HPSE2: variants seen among roughly 807,000 people sequenced by gnomAD.
HPSE2 encodes heparanase 2 (inactive).
In HPSE2, 38 loss-of-function variants were observed where a neutral mutation model predicts 60.5. The observed-to-expected ratio is 0.63, with a 90% CI of 0.48 to 0.82. The LOEUF (loss-of-function observed/expected upper bound fraction) is 0.82, where lower values mean the gene tolerates loss of function less well. HPSE2 is among the 40% of genes least tolerant of loss of function. The pLI is 0.00. For missense variants in HPSE2, 713 were observed against 740.4 expected, an observed-to-expected ratio of 0.96 and a Z score of 0.43; for synonymous variants, 295 against 293.2, an observed-to-expected ratio of 1.01 and a Z score of -0.06.
At chr10:98,476,486 A>G (rs537174121) in intron 11 of HPSE2, among the ~76,000 whole-genome samples, 3 of 151,706 alleles carry the variant, frequency 2.0e-5, no homozygotes, top group Admixed American at 6.6e-5. Context: ...ATAAAAAAGA[A>G]AAAGAAAAAA....
chr10:99,083,726 T>C (rs1843221343), intron 3 of HPSE2, among the ~76,000 whole-genome samples: 1 of 152,190 alleles, frequency 6.6e-6, no homozygotes, highest in Non-Finnish European at 1.5e-5. Flanking sequence ...AACTATCTTT[T>C]CATTTATTTT....
chr10:99,121,970 T>C (rs1277683665), intron 3 of HPSE2, among the ~76,000 whole-genome samples: 1 of 152,102 alleles, frequency 6.6e-6, no homozygotes, highest in African/African-American at 2.4e-5. Flanking sequence ...CCTATACTTA[T>C]TGCTATAGAC....
intron 3 of HPSE2, among the ~76,000 whole-genome samples, chr10:98,859,497 G>C (rs1191795508): frequency 6.6e-6 from 1 of 152,264 alleles, no homozygotes; most frequent in South Asian, 2.1e-4. Context: ...TCCTTTGAGA[G>C]CCCAAATAGT....
intron 3 of HPSE2, among the ~76,000 whole-genome samples, chr10:99,112,571 G>A (rs1844513070): frequency 6.6e-6 from 1 of 152,042 alleles, no homozygotes; most frequent in South Asian, 2.1e-4. Context: ...TTACAGGCGT[G>A]AGCCACCGTG....
At chr10:99,095,185 T>C (rs552185129) in intron 3 of HPSE2, among the ~76,000 whole-genome samples, 52 of 152,078 alleles carry the variant, frequency 3.4e-4, no homozygotes, top group African/African-American at 1.2e-3. Context: ...GACTTTGTCT[T>C]TTGGAAGAAA....
intron 2 of HPSE2, among the ~76,000 whole-genome samples, chr10:99,146,829 C>T (rs776899763): frequency 4.6e-5 from 7 of 152,030 alleles, no homozygotes; most frequent in Non-Finnish European, 1.0e-4. Context: ...CCACTGCACT[C>T]CAGTCTGGGT....
At chr10:99,083,967 T>TA (rs1491578874) in intron 3 of HPSE2, among the ~76,000 whole-genome samples, 1 of 4,574 alleles carries the variant, frequency 2.2e-4, no homozygotes, top group African/African-American at 5.7e-4. Flanking sequence ...TGTGAAAGCC[T>TA]TTTTTTTTTT....
chr10:98,532,766 T>C (rs1943169796), intron 9 of HPSE2, among the ~76,000 whole-genome samples: 1 of 152,210 alleles, frequency 6.6e-6, no homozygotes, highest in Non-Finnish European at 1.5e-5. Context: ...TTAGCCTCTA[T>C]CATCTTTCCT....
At position 98,753,548 on chromosome 10, in the gene HPSE2, A is replaced by T. The variant is rs1406916748; in HGVS notation, c.611-9492T>A. 2.0e-5 allele frequency among the ~76,000 whole-genome samples: 3 copies of T among 152,254 alleles called. 1 individual carries two copies. The highest frequency in any genetic ancestry group is 4.4e-5 in the Non-Finnish European group (3 of 68,044). On this transcript the variant is annotated intron_variant, in intron 3 of 11. Coordinates refer to ENST00000370552, the MANE Select transcript of HPSE2 (RefSeq NM_021828.5). ...TAAACAAAATGTGGTATATCAATAC[A>T]TTGGAATATTATTCACCCATAAAAA...
At chr10:98,690,379 ACATGC>A (rs1948045187) in intron 6 of HPSE2, among the ~76,000 whole-genome samples, 2 of 152,148 alleles carry the variant, frequency 1.3e-5, no homozygotes, top group Admixed American at 1.3e-4. Flanking sequence ...TCTCTAATAA[ACATGC>A]AAAAAAATTA....
At chr10:98,802,148 T>C (rs1160552485) in intron 3 of HPSE2, among the ~76,000 whole-genome samples, 1 of 152,028 alleles carries the variant, frequency 6.6e-6, no homozygotes, top group East Asian at 1.9e-4. Flanking sequence ...GGAATAAAAC[T>C]AGATTCCTAT....
At chr10:98,917,955 T>C (rs1954168499) in intron 3 of HPSE2, among the ~76,000 whole-genome samples, 1 of 152,160 alleles carries the variant, frequency 6.6e-6, no homozygotes, top group South Asian at 2.1e-4. Context: ...TATACAGAAA[T>C]TAAAGTGATA....
chr10:98,886,938 G>T (rs1184053751), intron 3 of HPSE2, among the ~76,000 whole-genome samples: 1 of 152,110 alleles, frequency 6.6e-6, no homozygotes. Context: ...AAGATTAAAT[G>T]ATGTGGTCAG....
At position 99,226,362 on chromosome 10, in the gene HPSE2, T is replaced by G. The variant is rs560977726; in HGVS notation, c.448+5986A>C. On this transcript the variant is annotated intron_variant, in intron 2 of 11. Coordinates refer to ENST00000370552, the MANE Select transcript of HPSE2 (RefSeq NM_021828.5). ...TCTTCAGTTTTGTCAGTGTTAATGT[T>G]GTCTCACCAACTACACTATTGGTTC... Among the ~76,000 whole-genome samples, 7 of 152,188 alleles carry G rather than the reference T, an allele frequency of 4.6e-5. No individual in the cohort carries two copies. The East Asian group carries it at 1.3e-3, about 29-fold the overall frequency.
intron 3 of HPSE2, among the ~76,000 whole-genome samples, chr10:98,957,691 C>T (rs1356422237): frequency 6.6e-6 from 1 of 152,104 alleles, no homozygotes; most frequent in Non-Finnish European, 1.5e-5. Flanking sequence ...TCTCTCTCTC[C>T]CGACTTCCTT....
At chr10:99,040,853 G>A (rs1957720995) in intron 3 of HPSE2, among the ~76,000 whole-genome samples, 3 of 152,114 alleles carry the variant, frequency 2.0e-5, no homozygotes, top group South Asian at 4.1e-4. Flanking sequence ...TTGGGAGGCC[G>A]AGGCGAGCGG....
intron 9 of HPSE2, among the ~76,000 whole-genome samples, chr10:98,562,008 C>G (rs1397036674): frequency 6.6e-6 from 1 of 152,244 alleles, no homozygotes; most frequent in African/African-American, 2.4e-5. Context: ...TCATCCAGAG[C>G]AGTTGCCAGT....
chr10:99,233,934 C>G (rs1849753269), intron 1 of HPSE2, among the ~76,000 whole-genome samples: 1 of 152,220 alleles, frequency 6.6e-6, no homozygotes, highest in Middle Eastern at 3.2e-3. Context: ...CCCCGAAAAT[C>G]TGCCTTCCAG....
chr10:98,704,841 T>C lies in HPSE2; in HGVS notation c.957-10894A>G, dbSNP rs376159767. Among the ~76,000 whole-genome samples, 115 of 152,252 alleles carry C rather than the reference T, an allele frequency of 7.6e-4. 1 individual carries two copies. The highest frequency in any genetic ancestry group is 2.6e-3 in the African/African-American group (110 of 41,542). On this transcript the variant is annotated intron_variant, in intron 5 of 11. Coordinates refer to ENST00000370552, the MANE Select transcript of HPSE2 (RefSeq NM_021828.5). ...AACCTAGGCAATATCATTCAGGACA[T>C]AGGCATGGGCAAAGGCTTCATGACG...
Sources: allele counts gnomAD v4.1 joint callset (sites outside exome capture counted in the v4.1 genomes callset), GRCh38; gene constraint gnomAD v4.1.1; transcripts MANE v1.5; gene names NCBI Gene and HGNC (gene_info 2026-07-23, HGNC 2026-07-21).